Variants in OCA2 observed in about 807,000 individuals in gnomAD.
OCA2 encodes OCA2 melanosomal transmembrane protein.
In OCA2, 77 loss-of-function variants were observed where a neutral mutation model predicts 100.2. The observed-to-expected ratio is 0.77, with a 90% CI of 0.64 to 0.93. The LOEUF (loss-of-function observed/expected upper bound fraction) is 0.93, where lower values mean the gene tolerates loss of function less well. Ranked by LOEUF, OCA2 falls within the 40% of genes least tolerant of loss-of-function variation. The pLI, the probability that OCA2 is intolerant of heterozygous loss-of-function variation, is 0.00. For synonymous variants in OCA2, 432 were observed against 439.2 expected (o/e 0.98, Z 0.21); for missense variants, 1,062 against 1,089.1 (o/e 0.98, Z 0.35).
rs1042551108 is a variant in OCA2, at chr15:28,064,994, C to T, written c.227+16654G>A. The stretch of plus-strand genomic sequence containing the variant: ...AAACTATTTTTCCAAGGACTGTATC[C>T]CTTTTCATGTCTGTTTCCTAACATC... On this transcript the variant is annotated intron_variant, in intron 2 of 23. Transcript: ENST00000354638. 2.0e-5 allele frequency among the ~76,000 whole-genome samples: 3 copies of T among 151,866 alleles called. 1 individual carries two copies. Among genetic ancestry groups the T allele is most frequent in the African/African-American group, 7.3e-5 (3 of 41,360 alleles).
At chr15:27,862,448 C>T (rs1033192469) in intron 21 of OCA2, among the ~76,000 whole-genome samples, 1 of 150,132 alleles carries the variant, frequency 6.7e-6, no homozygotes, top group African/African-American at 2.5e-5. Context: ...CGCCAAAGAA[C>T]TTTGAAAAAA....
At chr15:27,870,319 G>T (rs1245918104) in intron 21 of OCA2, among the ~76,000 whole-genome samples, 1 of 152,206 alleles carries the variant, frequency 6.6e-6, no homozygotes, top group Admixed American at 6.5e-5. Context: ...CAGGCTTCTG[G>T]CCTGTGCCCT....
intron 21 of OCA2, among the ~76,000 whole-genome samples, chr15:27,868,206 T>TC (rs1253761980): frequency 7.9e-5 from 12 of 152,180 alleles, no homozygotes; most frequent in Non-Finnish European, 1.6e-4. Context: ...ATAGACCATA[T>TC]CTTCTAACCA....
At chr15:27,968,047 C>T (rs12916355) in intron 14 of OCA2, among the ~76,000 whole-genome samples, 75,959 of 130,648 alleles carry the variant, frequency 0.58, 24,948 homozygotes, top group Non-Finnish European at 0.74. Context: ...GTTGGTTCTG[C>T]TCTTTCGCTG....
At chr15:27,909,271 G>C (rs1404332756) in intron 19 of OCA2, among the ~76,000 whole-genome samples, 1 of 152,070 alleles carries the variant, frequency 6.6e-6, no homozygotes, top group Non-Finnish European at 1.5e-5. Flanking sequence ...CAAATACAAA[G>C]ACACATCCTG....
intron 2 of OCA2, among the ~76,000 whole-genome samples, chr15:28,042,452 C>A (rs965309664): frequency 3.4e-5 from 5 of 148,624 alleles, no homozygotes; most frequent in African/African-American, 1.2e-4. Flanking sequence ...CATGAGGAAA[C>A]CCTATCTCTA....
At chr15:28,085,402 G>C (rs1221523868) in intron 1 of OCA2, among the ~76,000 whole-genome samples, 1 of 152,140 alleles carries the variant, frequency 6.6e-6, no homozygotes, top group Non-Finnish European at 1.5e-5. Flanking sequence ...CCCCAAAGAA[G>C]AGTGGGGCAT....
At chr15:27,819,206 A>G (rs1245876907) in intron 23 of OCA2, among the ~76,000 whole-genome samples, 4 of 152,354 alleles carry the variant, frequency 2.6e-5, no homozygotes, top group Admixed American at 2.0e-4. Context: ...AAGGTGCTCA[A>G]TCCTCTGTGA....
At chr15:27,918,845 A>T (rs1375167) in intron 19 of OCA2, among the ~76,000 whole-genome samples, 6,863 of 152,290 alleles carry the variant, frequency 0.045, 542 homozygotes, top group African/African-American at 0.16. Flanking sequence ...ATACTGCAGC[A>T]TAACAACGAA....
rs186900500 is a variant in OCA2, at chr15:28,064,204, C to T, written c.227+17444G>A. Among the ~76,000 whole-genome samples, 62 of 152,270 alleles carry T rather than the reference C, an allele frequency of 4.1e-4. No homozygotes were observed. In the East Asian group the frequency reaches 7.3e-3, roughly 18 times the overall value. On this transcript the variant is annotated intron_variant, in intron 2 of 23. Coordinates refer to ENST00000354638, the MANE Select transcript of OCA2 (RefSeq NM_000275.3). Reference sequence around the variant, plus strand: ...CCCTTGTATGTGACAAGTCACTTCTCTCTCAGTGCTTTCAAGATTCTCTCT... The same window carrying T: ...CCCTTGTATGTGACAAGTCACTTCTTTCTCAGTGCTTTCAAGATTCTCTCT...
At chr15:27,850,409 G>A (rs990216009) in intron 22 of OCA2, among the ~76,000 whole-genome samples, 15 of 152,140 alleles carry the variant, frequency 9.9e-5, no homozygotes, top group African/African-American at 3.4e-4. Context: ...ATCCTCATAG[G>A]GGATGCATTT....
At chr15:27,816,108 T>A (rs1035301085) in intron 23 of OCA2, among the ~76,000 whole-genome samples, 2 of 152,178 alleles carry the variant, frequency 1.3e-5, no homozygotes, top group Non-Finnish European at 2.9e-5. Flanking sequence ...CACTCCAGCC[T>A]GGGCAACAAG....
rs569792644 is a variant in OCA2, at chr15:27,866,164, T to TC, written c.2244+4989dup. ...AGGCAGATCCAGAGAAAGGACCAGC[T>TC]CCCACCCAGGCAATGTAGAGGGCTA... is the stretch of plus-strand genomic sequence containing the variant. On this transcript the variant is annotated intron_variant, in intron 21 of 23. Transcript: ENST00000354638. 3.2e-3 allele frequency among the ~76,000 whole-genome samples: 485 copies of TC among 152,238 alleles called. 2 individuals are homozygous for TC. Among genetic ancestry groups the TC allele is most frequent in the African/African-American group, 0.011 (468 of 41,522 alleles).
chr15:27,894,265 T>C (rs2037592205), intron 19 of OCA2, among the ~76,000 whole-genome samples: 1 of 152,206 alleles, frequency 6.6e-6, no homozygotes, highest in South Asian at 2.1e-4. Context: ...ATCTCTACTG[T>C]TCCATGTCCA....
chr15:27,724,376 CTG>C, the OCA2 span, among the ~76,000 whole-genome samples: 1 of 152,126 alleles, frequency 6.6e-6, no homozygotes, highest in African/African-American at 2.4e-5. Flanking sequence ...CATCACCCCT[CTG>C]TGCACATCGG....
chr15:28,029,086 C>A (rs2042838689), intron 3 of OCA2, among the ~76,000 whole-genome samples: 1 of 152,152 alleles, frequency 6.6e-6, no homozygotes, highest in African/African-American at 2.4e-5. Context: ...TTTCATGTAT[C>A]ATATAGAATA....
chr15:27,940,373 A>G (rs1399998410), intron 18 of OCA2, among the ~76,000 whole-genome samples: 1 of 152,064 alleles, frequency 6.6e-6, no homozygotes, highest in South Asian at 2.1e-4. Context: ...CACAAGACCA[A>G]CCCGGCCATT....
chr15:27,973,118 C>T (rs1025149583), intron 14 of OCA2, among the ~76,000 whole-genome samples: 15 of 152,106 alleles, frequency 9.9e-5, no homozygotes, highest in Non-Finnish European at 2.9e-5. Flanking sequence ...GATCCTCCCA[C>T]CTTGGCCTCC....
intron 23 of OCA2, among the ~76,000 whole-genome samples, chr15:27,768,744 C>T (rs922020060): frequency 3.3e-5 from 5 of 152,158 alleles, no homozygotes; most frequent in Non-Finnish European, 7.3e-5. Flanking sequence ...CAGTGATAAC[C>T]CTGTCTATGG....
Sources: gnomAD v4.1 joint callset for allele counts (sites outside exome capture counted in the v4.1 genomes callset) on GRCh38, gnomAD v4.1.1 for gene constraint, MANE v1.5 for transcripts, NCBI Gene and HGNC (gene_info 2026-07-23, HGNC 2026-07-21) for gene names.